ZNF257: variants seen among roughly 807,000 people sequenced by gnomAD.
ZNF257 encodes the protein zinc finger protein 257.
Under a neutral mutation model 11.9 loss-of-function variants are expected in ZNF257, and 12 were observed. That is an observed-to-expected ratio of 1.01 (90% CI 0.65 to 1.63). The LOEUF (loss-of-function observed/expected upper bound fraction) is 1.63, where lower values mean the gene tolerates loss of function less well. Among genes scored for constraint, ZNF257 ranks in the 40% most tolerant of loss-of-function variants. The probability of loss-of-function intolerance (pLI) is 0.00; values close to 1 mark genes in which losing one functional copy is unlikely to be tolerated. For synonymous variants in ZNF257, 183 were observed against 222.7 expected (o/e 0.82, Z 1.59); for missense variants, 580 against 665.5 (o/e 0.87, Z 1.41).
In ZNF257 at chr19:22,088,824, C is replaced by A; in HGVS notation, c.1074C>A (p.His358Gln). 3.1e-6 allele frequency: 5 copies of A among 1,613,378 alleles called. No individual in the cohort carries two copies. Among genetic ancestry groups the A allele is most frequent in the South Asian group, 1.1e-5 (1 of 91,040 alleles). ...GCAAAGCTTTTAACCGGTCTTCACA[C>A]CTTACTCAACATAAGATAATTCATA... is the stretch of plus-strand genomic sequence containing the variant. ...ECGKAFNRSSHLTQHKIIHTK... is the reference protein window; with the variant it reads ...ECGKAFNRSSQLTQHKIIHTK... The change falls in exon 4 of 4, where the codon CAC becomes CAA. Residue 358 changes from histidine to glutamine, a missense_variant. By Grantham distance (24) the His-to-Gln change is conservative. Transcript: ENST00000594947.
At chr19:22,055,792 G>A (rs1345057554) in intron 1 of ZNF257, among the ~76,000 whole-genome samples, 1 of 151,904 alleles carries the variant, frequency 6.6e-6, no homozygotes, top group Non-Finnish European at 1.5e-5. Flanking sequence ...TCGGCCGGGC[G>A]CGGTGGCTCA....
chr19:22,062,415 C>T (rs1166585370), intron 1 of ZNF257, among the ~76,000 whole-genome samples: 3 of 151,354 alleles, frequency 2.0e-5, no homozygotes, highest in Non-Finnish European at 2.9e-5. Context: ...TGAGCCACTG[C>T]GCCCAGCTTT....
intron 1 of ZNF257, among the ~76,000 whole-genome samples, chr19:22,069,707 ATTTC>A (rs1276178763): frequency 6.6e-6 from 1 of 152,188 alleles, no homozygotes; most frequent in African/African-American, 2.4e-5. Context: ...TATTATTTTT[ATTTC>A]TTTTATTTTG....
At chr19:22,059,886 TA>T (rs367671255) in intron 1 of ZNF257, among the ~76,000 whole-genome samples, 19,532 of 143,280 alleles carry the variant, frequency 0.14, 1,428 homozygotes, top group Middle Eastern at 0.2. Context: ...CCACACCCAC[TA>T]ATTTTTTTCT....
chr19:22,056,480 T>C (rs928108518), intron 1 of ZNF257, among the ~76,000 whole-genome samples: 11 of 147,630 alleles, frequency 7.5e-5, no homozygotes, highest in African/African-American at 1.2e-4. Flanking sequence ...ATTTAGAAAT[T>C]TTTTTTTTTT....
chr19:22,080,872 C>A (rs1389408184), intron 3 of ZNF257, among the ~76,000 whole-genome samples: 2 of 140,174 alleles, frequency 1.4e-5, no homozygotes, highest in African/African-American at 5.1e-5. Flanking sequence ...TATTATATAT[C>A]TATATAGTTG....
chr19:22,075,988 T>A (rs1249899424), intron 3 of ZNF257: 1 of 151,996 alleles, frequency 6.6e-6, no homozygotes, highest in East Asian at 1.9e-4. Context: ...TCTATAAGTT[T>A]TTAATTTCTA....
Position 22,088,897 on chromosome 19 carries a change from C to A in ZNF257, c.1147C>A (p.Arg383=), listed in dbSNP as rs559375603. 1.2e-6 allele frequency: 2 copies of A among 1,611,626 alleles called. No individual in the cohort carries two copies. Among genetic ancestry groups the A allele is most frequent in the East Asian group, 2.2e-5 (1 of 44,762 alleles). Residue 383 remains arginine, a synonymous_variant, in exon 4 of 4, where the codon CGG becomes AGG. Transcript: ENST00000594947. The part of the protein sequence containing the change: ...KCEECGKAFN[R]SSHLTKHKRI... ...TGAAGAGTGTGGAAAAGCCTTTAAC[C>A]GGTCTTCACACCTTACTAAACATAA... is the stretch of plus-strand genomic sequence containing the variant.
intron 2 of ZNF257, 117 bp downstream of exon 2, chr19:22,073,052 G>A: frequency 1.7e-6 from 2 of 1,203,090 alleles, no homozygotes; most frequent in Non-Finnish European, 2.2e-6. Context: ...ATTATGTTTT[G>A]CATAAATGAG....
chr19:22,078,920 G>T lies in ZNF257; in HGVS notation c.226+5356G>T, dbSNP rs180847828. On this transcript the variant is annotated intron_variant, in intron 3 of 3. Coordinates refer to ENST00000594947, the MANE Select transcript of ZNF257 (RefSeq NM_033468.4). ...TGATTCTCCTGCCTCAGCCTCTCTAGTAGCTGGGATTACAGGCATGTGCCA... is the reference window on the plus strand; with the variant it reads ...TGATTCTCCTGCCTCAGCCTCTCTATTAGCTGGGATTACAGGCATGTGCCA... Among the ~76,000 whole-genome samples, 59 of 151,562 alleles carry T rather than the reference G, an allele frequency of 3.9e-4. No individual in the cohort carries two copies. In the South Asian group the frequency reaches 7.5e-3, roughly 19 times the overall value.
chr19:22,069,010 G>C (rs1324689993), intron 1 of ZNF257, among the ~76,000 whole-genome samples: 3 of 152,162 alleles, frequency 2.0e-5, no homozygotes, highest in Admixed American at 6.5e-5. Context: ...CAGTGTAAGA[G>C]AAATGGGTCA....
chr19:22,081,037 C>G (rs1170459815), intron 3 of ZNF257, among the ~76,000 whole-genome samples: 2 of 151,740 alleles, frequency 1.3e-5, no homozygotes, highest in Non-Finnish European at 1.5e-5. Context: ...TGCCACCATG[C>G]TCGGCTAATT....
intron 1 of ZNF257, 143 bp from the exon 2 acceptor site, chr19:22,072,666 A>C (rs907041847): frequency 4.5e-6 from 4 of 887,374 alleles, no homozygotes; most frequent in Non-Finnish European, 6.7e-6. Flanking sequence ...GTGTTAAAAA[A>C]ATATTTTCTT....
chr19:22,053,594 G>A (rs866422750), intron 1 of ZNF257, among the ~76,000 whole-genome samples: 6 of 152,052 alleles, frequency 3.9e-5, no homozygotes, highest in South Asian at 2.1e-4. Context: ...AGTTGGCTAC[G>A]CCTCAATTTT....
intron 1 of ZNF257, among the ~76,000 whole-genome samples, chr19:22,062,057 T>C (rs927903114): frequency 2.3e-5 from 3 of 129,014 alleles, no homozygotes; most frequent in African/African-American, 8.9e-5. Flanking sequence ...AGTATTTTGC[T>C]GAGGATTTTT....
chr19:22,071,254 T>C (rs1568484509), intron 1 of ZNF257, among the ~76,000 whole-genome samples: 1 of 152,102 alleles, frequency 6.6e-6, no homozygotes, highest in Non-Finnish European at 1.5e-5. Flanking sequence ...AAGAAACTTA[T>C]ATTTTTATTT....
At chr19:22,062,631 C>T (rs760340098) in intron 1 of ZNF257, among the ~76,000 whole-genome samples, 4 of 151,798 alleles carry the variant, frequency 2.6e-5, no homozygotes, top group African/African-American at 7.3e-5. Flanking sequence ...TACAGGCATG[C>T]GCCACCACAC....
chr19:22,067,956 T>C (rs2021999456), intron 1 of ZNF257, among the ~76,000 whole-genome samples: 1 of 151,144 alleles, frequency 6.6e-6, no homozygotes, highest in African/African-American at 2.4e-5. Context: ...TAACTAATAA[T>C]GTGACACTGA....
intron 1 of ZNF257, among the ~76,000 whole-genome samples, chr19:22,055,365 T>C (rs1262842899): frequency 6.6e-6 from 1 of 151,854 alleles, no homozygotes; most frequent in Non-Finnish European, 1.5e-5. Flanking sequence ...ACCCCAACGT[T>C]TGGCTAATTT....
Sources: gnomAD v4.1 joint callset for allele counts (sites outside exome capture counted in the v4.1 genomes callset) on GRCh38, gnomAD v4.1.1 for gene constraint, MANE v1.5 for transcripts, NCBI Gene and HGNC (gene_info 2026-07-23, HGNC 2026-07-21) for gene names.